BAG6: variants seen among roughly 807,000 people sequenced by gnomAD.
BAG6 encodes large proline-rich protein BAG6.
Under a neutral mutation model 121.0 loss-of-function variants are expected in BAG6, and 22 were observed. That is an observed-to-expected ratio of 0.18 (90% confidence interval 0.13 to 0.26). The LOEUF (loss-of-function observed/expected upper bound fraction) is 0.26. BAG6 is among the 10% of genes least tolerant of loss of function. The pLI, the probability that BAG6 is intolerant of heterozygous loss-of-function variation, is 1.00. For missense variants in BAG6, 1,233 were observed against 1,537.7 expected, an observed-to-expected ratio of 0.80 and a Z score of 3.31; for synonymous variants, 583 against 584.6, an observed-to-expected ratio of 1.00 and a Z score of 0.04.
In BAG6 at chr6:31,642,942, G is replaced by A; in HGVS notation, c.1930C>T (p.Leu644=). The change falls in exon 15 of 26, where the codon CTG becomes TTG. Residue 644 remains leucine (L), a synonymous_variant. Transcript: ENST00000676615. ...GCCCCTGGCCCTGCAGGCCCTAGCA[G>A]GTTCCCCAGAAGCTGAGAGAACTGA... ...DLQFSQLLGN[L]LGPAGPGAGG... 2 of 1,607,626 alleles carry A rather than the reference G, an allele frequency of 1.2e-6. No homozygotes were observed. Among genetic ancestry groups the A allele is most frequent in the Non-Finnish European group, 1.7e-6 (2 of 1,177,236 alleles).
Position 31,649,181 on chromosome 6 carries a change from T to A in BAG6, c.423+18A>T. Reference sequence around the variant, plus strand: ...AAAGCTACCCACAAAAGCCCTCCCCTGTGGAACATAAGCTTACAGGAAGAT... The same window carrying A: ...AAAGCTACCCACAAAAGCCCTCCCCAGTGGAACATAAGCTTACAGGAAGAT... On this transcript the variant is annotated intron_variant, in intron 4 of 25. Coordinates refer to ENST00000676615, the MANE Select transcript of BAG6 (RefSeq NM_001387994.1). The A allele has an allele frequency of 6.2e-7, 1 of 1,612,768 alleles. No individual in the cohort carries two copies. The highest frequency in any genetic ancestry group is 1.6e-4 in the Middle Eastern group (1 of 6,062).
At position 31,649,229 on chromosome 6, in the gene BAG6, G is replaced by A. The variant is rs1793629014; in HGVS notation, c.393C>T (p.Ser131=). 6.2e-7 allele frequency: 1 copy of A among 1,612,948 alleles called. No individual in the cohort carries two copies. Among genetic ancestry groups the A allele is most frequent in the African/African-American group, 1.3e-5 (1 of 74,920 alleles). The change falls in exon 4 of 26, where the codon AGC becomes AGT. Residue 131 remains serine (S), a synonymous_variant. Coordinates refer to ENST00000676615, the MANE Select transcript of BAG6 (RefSeq NM_001387994.1). ...GASVHDRNAN[S]YVMVGTFNLP... The stretch of plus-strand genomic sequence containing the variant: ...GATTGAAGGTTCCAACCATGACATA[G>A]CTGTTGGCATTCCGGTCATGAACAG...
At chr6:31,642,765 G>A in intron 15 of BAG6, 64 bp downstream of exon 15, 1 of 1,570,394 alleles carries the variant, frequency 6.4e-7, no homozygotes, top group East Asian at 2.4e-5. Context: ...ATGGCAAGAA[G>A]GTACCACTGC....
In BAG6 at chr6:31,644,842, C is replaced by T. The variant is rs1295275264; in HGVS notation, c.1369+104G>A. The T allele has an allele frequency of 2.0e-6, 3 of 1,509,102 alleles. No individual in the cohort carries two copies. Among genetic ancestry groups the T allele is most frequent in the African/African-American group, 2.8e-5 (2 of 72,078 alleles). The allele number at this position is 1,509,102 out of a possible 1,614,324, so 93.5% of individuals were successfully genotyped here. On this transcript the variant is annotated intron_variant, in intron 10 of 25. Coordinates refer to ENST00000676615, the MANE Select transcript of BAG6 (RefSeq NM_001387994.1). This position sits in a 1 kb window ranked among gnomAD's most constrained non-coding sequence, Gnocchi z 4.9. The stretch of plus-strand genomic sequence containing the variant: ...TTCTGCTCTGGTCCCCAGGCTACCA[C>T]CACCAGCATGTGCCTCTCCCTTCCC...
chr6:31,650,844 T>C (rs1228245937), intron 2 of BAG6, among the ~76,000 whole-genome samples: 1 of 152,144 alleles, frequency 6.6e-6, no homozygotes, highest in African/African-American at 2.4e-5. Context: ...TCTCCAAGTA[T>C]TACAGGAGTA....
chr6:31,639,495 G>A lies in BAG6; in HGVS notation c.3393+5C>T. 1.2e-6 allele frequency: 2 copies of A among 1,612,332 alleles called. No homozygotes were observed. The highest frequency in any genetic ancestry group is 1.7e-6 in the Non-Finnish European group (2 of 1,178,822). Reference sequence around the variant, plus strand: ...GACCATCCCTATTCTGCTTCAAGGTGGCACCTGCTGCCTGTAGCTCTCCTG... The same window carrying A: ...GACCATCCCTATTCTGCTTCAAGGTAGCACCTGCTGCCTGTAGCTCTCCTG... On this transcript the variant is annotated splice_donor_5th_base_variant and intron_variant, in intron 25 of 25. Transcript: ENST00000676615.
Position 31,649,618 on chromosome 6 carries a change from T to C in BAG6, c.118A>G (p.Lys40Glu), listed in dbSNP as rs1394582649. 1 of 1,613,752 alleles carries C rather than the reference T, an allele frequency of 6.2e-7. No homozygotes were observed. The highest frequency in any genetic ancestry group is 8.5e-7 in the Non-Finnish European group (1 of 1,179,748). The change falls in exon 3 of 26, where the codon AAA (lysine) becomes GAA (glutamate). Residue 40 changes from lysine (K) to glutamate (E), a missense_variant. Transcript: ENST00000676615. ...TFIVGAQMNV[K>E]EFKEHIAASV... ...GCAGCAATGTGCTCCTTAAACTCTT[T>C]TACATTCATCTGAAAAGAAGAGGCA...
Position 31,639,109 on chromosome 6 carries a change from G to A in BAG6, c.*22C>T. 1 of 1,588,174 alleles carries A rather than the reference G, an allele frequency of 6.3e-7. No homozygotes were observed. The highest frequency in any genetic ancestry group is 8.6e-7 in the Non-Finnish European group (1 of 1,161,434). ...GAGGGGGGAAACGGTCCCCTGATGA[G>A]GAAGGGCCATAGAGCAAAGAGCTAA... On this transcript the variant is annotated 3_prime_UTR_variant, in exon 26 of 26. Coordinates refer to ENST00000676615, the MANE Select transcript of BAG6 (RefSeq NM_001387994.1).
At chr6:31,639,451 A>C (rs753604761) in intron 25 of BAG6, 49 bp downstream of exon 25, 4 of 1,582,106 alleles carry the variant, frequency 2.5e-6, no homozygotes, top group Non-Finnish European at 1.7e-6. Context: ...GAGGGACCCT[A>C]GCCCAACCCC....
At position 31,640,879 on chromosome 6, in the gene BAG6, T is replaced by C. The variant is rs1416425670; in HGVS notation, c.2847A>G (p.Gly949=). The change falls in exon 21 of 26, where the codon GGA becomes GGG. Residue 949 remains glycine, a synonymous_variant. Transcript: ENST00000676615. The surrounding 1 kb of genome is among the most constrained non-coding windows in gnomAD (Gnocchi z 4.2). ...SLVSWLTTMM[G]LRLQVVLEHM... ...GCTCCAGTACCACCTGAAGCCTCAG[T>C]CCCATCATAGTGGTCAGCCAGCTCA... 2 of 1,612,484 alleles carry C rather than the reference T, an allele frequency of 1.2e-6. No homozygotes were observed. The highest frequency in any genetic ancestry group is 2.2e-5 in the South Asian group (2 of 91,062).
intron 7 of BAG6, 80 bp from the exon 8 acceptor site, chr6:31,646,603 CCT>C (rs1789576293): frequency 7.1e-6 from 11 of 1,542,016 alleles, no homozygotes; most frequent in Non-Finnish European, 9.6e-6. Flanking sequence ...CCACATGTGC[CCT>C]CTTTCTCCCT....
rs111766929 is a variant in BAG6 at position 31,646,508 on chromosome 6, C to T, written c.804G>A (p.Ala268=). ...GCTCCTGGAGCACCTCGACATACTC[C>T]GCAGGGGAAGGATGGCTGTGGACAA... ...ETNAPNHPSP[A]EYVEVLQELQ... The change falls in exon 8 of 26, where the codon GCG becomes GCA. Residue 268 remains alanine (A), a synonymous_variant. Transcript: ENST00000676615. The T allele has an allele frequency of 9.4e-5, 151 of 1,612,584 alleles. No individual in the cohort carries two copies. The highest frequency in any genetic ancestry group is 4.5e-4 in the African/African-American group (34 of 74,896).
At chr6:31,649,467 G>A (rs755087059) in intron 3 of BAG6, 43 bp downstream of exon 3, 1 of 1,612,694 alleles carries the variant, frequency 6.2e-7, no homozygotes, top group African/African-American at 1.3e-5. Context: ...CATCCCTCCA[G>A]ACAGTAGCCC....
chr6:31,651,610 C>A, intron 2 of BAG6, 46 bp downstream of exon 2: 1 of 1,548,010 alleles, frequency 6.5e-7, no homozygotes, highest in African/African-American at 1.4e-5. Context: ...GGGGCCTAAA[C>A]GAGGAAAAGC....
Position 31,641,664 on chromosome 6 carries a change from G to A in BAG6, c.2506-72C>T, listed in dbSNP as rs1170539055. The A allele has an allele frequency of 1.2e-6, 2 of 1,610,224 alleles. No homozygotes were observed. Among genetic ancestry groups the A allele is most frequent in the Non-Finnish European group, 1.7e-6 (2 of 1,176,542 alleles). Reference sequence around the variant, plus strand: ...AAGACTTCCACCTCGACCCCAACAAGTCCAGGGCTTGTGTGGGGGCAATTG... The same window carrying A: ...AAGACTTCCACCTCGACCCCAACAAATCCAGGGCTTGTGTGGGGGCAATTG... On this transcript the variant is annotated intron_variant, in intron 17 of 25. Transcript: ENST00000676615. This position sits in a 1 kb window ranked among gnomAD's most constrained non-coding sequence, Gnocchi z 5.7.
rs145802371 is a variant in BAG6, at chr6:31,645,081, T to C, written c.1234A>G (p.Thr412Ala). 6.2e-7 allele frequency: 1 copy of C among 1,612,674 alleles called. No homozygotes were observed. Among genetic ancestry groups the C allele is most frequent in the African/African-American group, 1.3e-5 (1 of 74,850 alleles). Reference sequence around the variant, plus strand: ...CCCTCAGCTGAGGACTCGACATTGGTAGAAGACGGAGCCACGGATGAGGCC... The same window carrying C: ...CCCTCAGCTGAGGACTCGACATTGGCAGAAGACGGAGCCACGGATGAGGCC... ...GQASSVAPSS[T>A]NVESSAEGAP... Residue 412 changes from threonine (T) to alanine (A), a missense_variant, in exon 10 of 26, where the codon ACC (threonine) becomes GCC (alanine). By Grantham distance (58) the Thr-to-Ala change is moderately conservative. Coordinates refer to ENST00000676615, the MANE Select transcript of BAG6 (RefSeq NM_001387994.1).
At chr6:31,649,074 C>G (rs1200328554) in intron 4 of BAG6, 110 bp from the exon 5 acceptor site, 13 of 1,494,508 alleles carry the variant, frequency 8.7e-6, no homozygotes, top group Non-Finnish European at 1.1e-5. Flanking sequence ...AGACTGAGAC[C>G]AATAGCACAC....
At position 31,642,989 on chromosome 6, in the gene BAG6, G is replaced by A. The variant is rs1165586017; in HGVS notation, c.1883C>T (p.Pro628Leu). Residue 628 changes from proline (P) to leucine (L), a missense_variant, in exon 15 of 26, where the codon CCT becomes CTT. By Grantham distance (98) the Pro-to-Leu change is moderately conservative. This residue lies in a region of BAG6 where 777 missense variants were observed against 861.4 expected (regional missense o/e 0.90). Coordinates refer to ENST00000676615, the MANE Select transcript of BAG6 (RefSeq NM_001387994.1). ...CTGAAGATCAGCCATGGAGGGTTGA[G>A]GGGTGGGTGGAGGCTGGGCAGGCCC... ...PGGPAQPPPTPQPSMADLQFS... is the reference protein window; with the variant it reads ...PGGPAQPPPTLQPSMADLQFS... The A allele has an allele frequency of 1.9e-6, 3 of 1,597,312 alleles. No homozygotes were observed. The highest frequency in any genetic ancestry group is 1.8e-5 in the Admixed American group (1 of 56,276).
At chr6:31,652,355 A>ACACACACACACACACACACACC (rs1277723335) in intron 1 of BAG6, 69 bp downstream of exon 1, 2 of 147,398 alleles carry the variant, frequency 1.4e-5, no homozygotes, top group African/African-American at 5.3e-5. Flanking sequence ...ACACACACAC[A>ACACACACACACACACACACACC]CACACCCACC....
Sources: gnomAD v4.1 joint callset for allele counts (sites outside exome capture counted in the v4.1 genomes callset) on GRCh38, gnomAD v4.1.1 for gene constraint, gnomAD v4.1.1 regional missense constraint, Gnocchi (gnomAD v3.1) non-coding constraint, MANE v1.5 for transcripts, NCBI Gene and HGNC (gene_info 2026-07-23, HGNC 2026-07-21) for gene names.